SPMIP2: variants seen among roughly 807,000 people sequenced by gnomAD.
The protein encoded by SPMIP2 is sperm microtubule inner protein 2.
chr4:159,052,957 T>A, the SPMIP2 span, among the ~76,000 whole-genome samples: 7 of 103,902 alleles, frequency 6.7e-5, no homozygotes, highest in South Asian at 6.2e-4. Context: ...TTATTATTAT[T>A]TTTTTTTTTT....
the SPMIP2 span, among the ~76,000 whole-genome samples, chr4:158,911,347 C>CAAAT: frequency 8.7e-3 from 1,230 of 141,340 alleles, 8 homozygotes; most frequent in Middle Eastern, 0.029. Context: ...GACTCCGTCT[C>CAAAT]AAATAAATAA....
chr4:158,989,552 A>G, the SPMIP2 span, among the ~76,000 whole-genome samples: 2 of 152,194 alleles, frequency 1.3e-5, no homozygotes. Flanking sequence ...GATGGAACAG[A>G]ACAGAGGCCT....
chr4:159,022,457 TG>T, the SPMIP2 span, among the ~76,000 whole-genome samples: 1,464 of 152,322 alleles, frequency 9.6e-3, 25 homozygotes, highest in African/African-American at 0.034. Context: ...TTGGAGCACA[TG>T]TGAGCTTCAA....
At chr4:159,035,150 G>A in the SPMIP2 span, 6 of 1,441,874 alleles carry the variant, frequency 4.2e-6, no homozygotes, top group African/African-American at 1.4e-5. Context: ...CTTCAAATCA[G>A]TTAAGCTGCA....
the SPMIP2 span, chr4:158,915,161 ACAT>A: frequency 5.6e-6 from 9 of 1,600,866 alleles, no homozygotes; most frequent in African/African-American, 4.0e-5. Context: ...GAAAAGCAAA[ACAT>A]CATACCTTTT....
At chr4:159,030,973 T>G in the SPMIP2 span, among the ~76,000 whole-genome samples, 1 of 152,206 alleles carries the variant, frequency 6.6e-6, no homozygotes, top group Non-Finnish European at 1.5e-5. Flanking sequence ...CTCATGATAT[T>G]TTGTTGTCAT....
At chr4:158,979,975 G>A in the SPMIP2 span, among the ~76,000 whole-genome samples, 11 of 152,010 alleles carry the variant, frequency 7.2e-5, no homozygotes, top group South Asian at 4.2e-4. Context: ...CTGTCGGCAC[G>A]GCAGTCTGAA....
At chr4:158,949,103 T>C in the SPMIP2 span, among the ~76,000 whole-genome samples, 1 of 152,342 alleles carries the variant, frequency 6.6e-6, no homozygotes, top group South Asian at 2.1e-4. Context: ...CTATATAGTA[T>C]ACAATTTCTA....
chr4:158,895,745 T>C, the SPMIP2 span: 1 of 1,580,272 alleles, frequency 6.3e-7, no homozygotes, highest in South Asian at 1.1e-5. Flanking sequence ...TTCTTGGCTT[T>C]GCAGTGCATC....
the SPMIP2 span, among the ~76,000 whole-genome samples, chr4:158,991,718 T>C: frequency 2.0e-5 from 3 of 152,206 alleles, no homozygotes; most frequent in Non-Finnish European, 4.4e-5. Flanking sequence ...AAACCTGTTT[T>C]CTCTTTCCAT....
the SPMIP2 span, among the ~76,000 whole-genome samples, chr4:158,897,494 C>T: frequency 6.6e-6 from 1 of 152,218 alleles, no homozygotes; most frequent in Non-Finnish European, 1.5e-5. Flanking sequence ...CACATCCTCT[C>T]AAGCATTTGT....
chr4:158,894,170 CTTTTTT>C, the SPMIP2 span, among the ~76,000 whole-genome samples: 3 of 127,476 alleles, frequency 2.4e-5, no homozygotes, highest in Non-Finnish European at 3.4e-5. Flanking sequence ...AAAATGTTTT[CTTTTTT>C]TTTTTTTTTT....
At chr4:158,999,982 T>A in the SPMIP2 span, among the ~76,000 whole-genome samples, 3 of 152,312 alleles carry the variant, frequency 2.0e-5, no homozygotes, top group East Asian at 3.9e-4. Flanking sequence ...ATAGAGAACT[T>A]GGGAAAGTCA....
chr4:158,916,898 C>T, the SPMIP2 span, among the ~76,000 whole-genome samples: 1 of 152,224 alleles, frequency 6.6e-6, no homozygotes, highest in South Asian at 2.1e-4. Flanking sequence ...CCCACCTCAG[C>T]CTCCCAAAGT....
chr4:159,009,955 T>C, the SPMIP2 span, among the ~76,000 whole-genome samples: 5 of 152,046 alleles, frequency 3.3e-5, no homozygotes, highest in Non-Finnish European at 5.9e-5. Context: ...GATTGCGCCA[T>C]TGTGCTCCAG....
the SPMIP2 span, chr4:159,007,763 T>G: frequency 1.7e-6 from 1 of 599,540 alleles, no homozygotes; most frequent in South Asian, 1.4e-5. Context: ...ACGCTGAGGT[T>G]TAACATATCA....
chr4:159,031,005 G>A, the SPMIP2 span, among the ~76,000 whole-genome samples: 3 of 152,062 alleles, frequency 2.0e-5, no homozygotes, highest in Non-Finnish European at 4.4e-5. Flanking sequence ...ATAGTGACAA[G>A]ATATTTTTCT....
the SPMIP2 span, among the ~76,000 whole-genome samples, chr4:158,999,327 C>G: frequency 6.6e-6 from 1 of 152,136 alleles, no homozygotes; most frequent in Non-Finnish European, 1.5e-5. Flanking sequence ...ATGAAAATGA[C>G]ACTTTTAGCC....
the SPMIP2 span, among the ~76,000 whole-genome samples, chr4:159,062,697 GTC>G: frequency 7.4e-3 from 705 of 94,756 alleles, 17 homozygotes; most frequent in African/African-American, 0.014. Flanking sequence ...TTGAAACAGG[GTC>G]TCTCTCTCTC....
Sources: gnomAD v4.1 joint callset for allele counts (sites outside exome capture counted in the v4.1 genomes callset) on GRCh38, gnomAD v4.1.1 for gene constraint, MANE v1.5 for transcripts, NCBI Gene and HGNC (gene_info 2026-07-23, HGNC 2026-07-21) for gene names.